Variants in ZNF385B observed in about 807,000 individuals in gnomAD.
ZNF385B encodes the protein zinc finger protein 533.
ZNF385B carries 23 observed loss-of-function variants against 39.2 expected under a neutral mutation model. The observed-to-expected ratio is 0.59, with a 90% CI of 0.42 to 0.83. ZNF385B has a LOEUF of 0.83. Among genes scored for constraint, ZNF385B ranks in the 40% least tolerant of loss-of-function variants. ZNF385B has a pLI of 0.00. For missense variants in ZNF385B, 552 were observed against 598.9 expected (o/e 0.92, Z 0.82); for synonymous variants, 205 against 222.6 (o/e 0.92, Z 0.70).
intron 3 of ZNF385B, among the ~76,000 whole-genome samples, chr2:179,753,894 T>C: frequency 6.6e-6 from 1 of 152,186 alleles, no homozygotes; most frequent in Non-Finnish European, 1.5e-5. Context: ...ACAATTTGAC[T>C]TCCTCTTTTC....
chr2:179,696,326 C>CTATTTTTTTT (rs1698742555), intron 3 of ZNF385B, among the ~76,000 whole-genome samples: 2 of 40,354 alleles, frequency 5.0e-5, no homozygotes, highest in African/African-American at 1.0e-4. Context: ...CAAACTGGGA[C>CTATTTTTTTT]TTTTTTTTTT....
intron 6 of ZNF385B, among the ~76,000 whole-genome samples, chr2:179,475,331 A>G (rs1309003239): frequency 2.0e-5 from 3 of 150,416 alleles, no homozygotes. Context: ...GCTCACTGCA[A>G]CCTCCACCTC....
chr2:179,813,340 G>A (rs1011271555), intron 1 of ZNF385B, among the ~76,000 whole-genome samples: 1 of 151,966 alleles, frequency 6.6e-6, no homozygotes, highest in African/African-American at 2.4e-5. Flanking sequence ...GTCTATTTTG[G>A]GGCTTCCAAT....
At chr2:179,645,311 G>A (rs1377714253) in intron 3 of ZNF385B, among the ~76,000 whole-genome samples, 1 of 152,120 alleles carries the variant, frequency 6.6e-6, no homozygotes, top group Non-Finnish European at 1.5e-5. Context: ...AGCCTTCCAG[G>A]GCTGGCTCTT....
At chr2:179,525,057 G>T (rs1178754184) in intron 4 of ZNF385B, among the ~76,000 whole-genome samples, 1 of 151,964 alleles carries the variant, frequency 6.6e-6, no homozygotes, top group African/African-American at 2.4e-5. Flanking sequence ...GGAATCAAAG[G>T]CTTTGAGAGG....
At chr2:179,561,396 T>C (rs2061327795) in intron 3 of ZNF385B, among the ~76,000 whole-genome samples, 1 of 152,130 alleles carries the variant, frequency 6.6e-6, no homozygotes, top group East Asian at 1.9e-4. Flanking sequence ...TTAATCAATT[T>C]CTGGCTTTAA....
At chr2:179,517,063 A>G (rs1454482375) in intron 5 of ZNF385B, among the ~76,000 whole-genome samples, 1 of 151,860 alleles carries the variant, frequency 6.6e-6, no homozygotes, top group South Asian at 2.1e-4. Flanking sequence ...TATTGGTGTG[A>G]GTCTATTTCT....
chr2:179,764,518 G>T (rs1368460223), intron 3 of ZNF385B, among the ~76,000 whole-genome samples: 1 of 151,652 alleles, frequency 6.6e-6, no homozygotes, highest in Non-Finnish European at 1.5e-5. Context: ...TTGGTCCTCT[G>T]TTTCTCTCTT....
At chr2:179,717,587 C>T (rs1204820211) in intron 3 of ZNF385B, among the ~76,000 whole-genome samples, 1 of 152,040 alleles carries the variant, frequency 6.6e-6, no homozygotes, top group Non-Finnish European at 1.5e-5. Context: ...TTTTTAGAAG[C>T]TAGCCAGGCT....
intron 3 of ZNF385B, among the ~76,000 whole-genome samples, chr2:179,616,073 C>T (rs1689708426): frequency 6.6e-6 from 1 of 152,096 alleles, no homozygotes; most frequent in African/African-American, 2.4e-5. Flanking sequence ...GAACTCAGAT[C>T]CTGGAGTAGG....
intron 6 of ZNF385B, among the ~76,000 whole-genome samples, chr2:179,472,206 A>T (rs2052850754): frequency 6.6e-6 from 1 of 152,200 alleles, no homozygotes. Context: ...GCTGCTAATG[A>T]TTTTTCAAAG....
intron 5 of ZNF385B, among the ~76,000 whole-genome samples, chr2:179,493,747 GTGTATATACATATATGTATACATATA>G (rs2055732151): frequency 2.0e-5 from 2 of 98,168 alleles, no homozygotes; most frequent in Non-Finnish European, 4.5e-5. Flanking sequence ...GTATACATAT[GTGTATATACATATATGTATACATATA>G]TGTATATACA....
intron 1 of ZNF385B, among the ~76,000 whole-genome samples, chr2:179,850,764 C>A (rs532656089): frequency 6.6e-6 from 1 of 152,146 alleles, no homozygotes; most frequent in African/African-American, 2.4e-5. Context: ...CACACTTTCT[C>A]GTGCTTATAA....
chr2:179,560,137 A>G (rs2061234263), intron 3 of ZNF385B, among the ~76,000 whole-genome samples: 1 of 152,080 alleles, frequency 6.6e-6, no homozygotes, highest in South Asian at 2.1e-4. Context: ...ATGGAATTTC[A>G]TTTTGGCTCC....
intron 3 of ZNF385B, among the ~76,000 whole-genome samples, chr2:179,652,969 C>A (rs973213355): frequency 1.3e-5 from 2 of 152,066 alleles, no homozygotes; most frequent in African/African-American, 4.8e-5. Context: ...AGGGTTCTTT[C>A]CTGCTTCGTT....
intron 6 of ZNF385B, among the ~76,000 whole-genome samples, chr2:179,468,851 A>G (rs1331144208): frequency 1.2e-5 from 1 of 86,792 alleles, no homozygotes; most frequent in Non-Finnish European, 2.3e-5. Context: ...CCAGGTTCTT[A>G]CTCTTTATGG....
chr2:179,462,901 A>ATGTG (rs138439489), intron 6 of ZNF385B, among the ~76,000 whole-genome samples: 1 of 151,150 alleles, frequency 6.6e-6, no homozygotes, highest in Non-Finnish European at 1.5e-5. Context: ...TATTTAAAAG[A>ATGTG]TGTGTGTGTG....
chr2:179,689,556 G>A (rs1371220298), intron 3 of ZNF385B, among the ~76,000 whole-genome samples: 1 of 152,152 alleles, frequency 6.6e-6, no homozygotes, highest in Non-Finnish European at 1.5e-5. Flanking sequence ...TAGGAGAAAG[G>A]AAGGTAAGCT....
chr2:179,820,361 T>C (rs1707331734), intron 1 of ZNF385B, among the ~76,000 whole-genome samples: 1 of 152,064 alleles, frequency 6.6e-6, no homozygotes, highest in Non-Finnish European at 1.5e-5. Flanking sequence ...ATTTGTTGAT[T>C]TGTATTTTCT....
Sources: gnomAD v4.1 joint callset for allele counts (sites outside exome capture counted in the v4.1 genomes callset) on GRCh38, gnomAD v4.1.1 for gene constraint, MANE v1.5 for transcripts, NCBI Gene and HGNC (gene_info 2026-07-23, HGNC 2026-07-21) for gene names.